The following RIF1 variants were observed in gnomAD, a reference collection of about 807,000 sequenced individuals.
The protein encoded by RIF1 is telomere-associated protein RIF1.
Under a neutral mutation model 247.1 loss-of-function variants are expected in RIF1, and 45 were observed. The observed-to-expected ratio is 0.18, with a 90% CI of 0.14 to 0.23. The LOEUF is 0.23. RIF1 is among the 10% of genes least tolerant of loss of function. The pLI, the probability that RIF1 is intolerant of heterozygous loss-of-function variation, is 1.00. For synonymous variants in RIF1, 1,087 were observed against 978.8 expected (o/e 1.11, Z -2.06); for missense variants, 2,967 against 2,862.5 (o/e 1.04, Z -0.83).
At chr2:151,495,985 CAAAG>C (rs1334238824) in intron 10 of RIF1, among the ~76,000 whole-genome samples, 14 of 152,118 alleles carry the variant, frequency 9.2e-5, no homozygotes, top group Non-Finnish European at 1.9e-4. Flanking sequence ...ATATCTAAAA[CAAAG>C]AGACCTTGGG....
chr2:151,484,704 A>T (rs570414306), downstream of RIF1, among the ~76,000 whole-genome samples: 1 of 152,346 alleles, frequency 6.6e-6, no homozygotes, highest in South Asian at 2.1e-4. Flanking sequence ...ATTTTTATCC[A>T]GTTTAAGGCA....
At position 151,465,834 on chromosome 2, in the gene RIF1, T is replaced by C. The variant is rs779625960; in HGVS notation, c.6314T>C (p.Met2105Thr). 268 of 1,613,006 alleles carry C rather than the reference T, an allele frequency of 1.7e-4. No individual in the cohort carries two copies. The highest frequency in any genetic ancestry group is 2.2e-4 in the Non-Finnish European group (259 of 1,179,154). Residue 2105 changes from methionine (M) to threonine (T), a missense_variant, in exon 30 of 36, where the codon ATG becomes ACG. Physicochemically the swap from Met to Thr is moderately conservative, Grantham distance 81. Around this residue, in one of 7 missense-constraint regions of RIF1, gnomAD observed 2,028 missense variants for 1,825.6 expected, o/e 1.11. Transcript: ENST00000444746. Reference protein sequence around the residue: ...EEKLDNNQMVMESDILQEDHH... With the variant: ...EEKLDNNQMVTESDILQEDHH... ...AAATTAGATAACAATCAAATGGTAA[T>C]GGAAAGTGATATTTTACAGGAAGAT...
rs1284162261 is a variant in RIF1 at position 151,433,146 on chromosome 2, A to G, written c.995A>G (p.Glu332Gly). The G allele has an allele frequency of 3.7e-6, 6 of 1,612,946 alleles. No individual in the cohort carries two copies. The highest frequency in any genetic ancestry group is 5.1e-6 in the Non-Finnish European group (6 of 1,179,060). Reference sequence around the variant, plus strand: ...TTGAGTTCCATCCATGTGAGAACAGAAACTCTAGCATTAACAAAACTAGAA... The same window carrying G: ...TTGAGTTCCATCCATGTGAGAACAGGAACTCTAGCATTAACAAAACTAGAA... ...QPLSSIHVRT[E>G]TLALTKLEVW... The change falls in exon 10 of 36, where the codon GAA becomes GGA. Residue 332 changes from glutamate (E) to glycine (G), a missense_variant. Around this residue, in one of 7 missense-constraint regions of RIF1, gnomAD observed 71 missense variants for 132.9 expected, o/e 0.53. Coordinates refer to ENST00000444746, the MANE Select transcript of RIF1 (RefSeq NM_018151.5).
At position 151,465,302 on chromosome 2, in the gene RIF1, C is replaced by T; in HGVS notation, c.5782C>T (p.His1928Tyr). 6.2e-7 allele frequency: 1 copy of T among 1,612,716 alleles called. No homozygotes were observed. Residue 1928 changes from histidine to tyrosine, a missense_variant, in exon 30 of 36, where the codon CAT becomes TAT. By Grantham distance (83) the His-to-Tyr change is moderately conservative (BLOSUM62 2). This residue lies in a region of RIF1 where 2,028 missense variants were observed against 1,825.6 expected (regional missense o/e 1.11). Transcript: ENST00000444746. The part of the protein sequence containing the change: ...ELNVGNEASF[H>Y]GQERTKTGIS... ...GAATGTAGGAAATGAAGCTAGCTTT[C>T]ATGGACAAGAGAGAACCAAAACTGG...
At chr2:151,513,295 C>G in the RIF1 span, among the ~76,000 whole-genome samples, 3 of 152,124 alleles carry the variant, frequency 2.0e-5, no homozygotes, top group Admixed American at 6.5e-5. Context: ...GAAATAAGGC[C>G]AAGATGTCGA....
chr2:151,470,414 C>A (rs1261161730), intron 34 of RIF1, among the ~76,000 whole-genome samples: 2 of 152,114 alleles, frequency 1.3e-5, no homozygotes, highest in Non-Finnish European at 2.9e-5. Context: ...ATCTGAATTG[C>A]TTAGGACCAG....
At chr2:151,518,988 T>A in the RIF1 span, 4 of 1,613,344 alleles carry the variant, frequency 2.5e-6, no homozygotes, top group South Asian at 2.2e-5. Flanking sequence ...TGGCTTGTAT[T>A]CAGGACATGA....
Position 151,414,837 on chromosome 2 carries a change from T to G in RIF1, c.198T>G (p.Ser66Arg). Residue 66 changes from serine (S) to arginine (R), a missense_variant, in exon 4 of 36, where the codon AGT becomes AGG. By Grantham distance (110) the Ser-to-Arg change is moderately radical (BLOSUM62 -1). Around this residue, in one of 7 missense-constraint regions of RIF1, gnomAD observed 269 missense variants for 288.6 expected, o/e 0.93. Coordinates refer to ENST00000444746, the MANE Select transcript of RIF1 (RefSeq NM_018151.5). ...TGTTTTTGTAGACTCACATTTCCAG[T>G]CAAAACTCGGAGCTGAGTAGTGCTG... is the stretch of plus-strand genomic sequence containing the variant. ...LYKVLKTHIS[S>R]QNSELSSAAL... 6.2e-7 allele frequency: 1 copy of G among 1,609,168 alleles called. No individual in the cohort carries two copies. Among genetic ancestry groups the G allele is most frequent in the Non-Finnish European group, 8.5e-7 (1 of 1,178,068 alleles).
intron 13 of RIF1, among the ~76,000 whole-genome samples, chr2:151,506,699 A>T (rs1408610789): frequency 1.3e-5 from 2 of 152,190 alleles, no homozygotes; most frequent in African/African-American, 4.8e-5. Context: ...TTAAAAATAA[A>T]AGTTACGTTG....
At position 151,478,180 on chromosome 2, in the gene RIF1, T is replaced by C. The variant is rs984723296; in HGVS notation, c.*3109T>C. 6.6e-6 allele frequency: 1 copy of C among 152,148 alleles called. No individual in the cohort carries two copies. Among genetic ancestry groups the C allele is most frequent in the Non-Finnish European group, 1.5e-5 (1 of 68,024 alleles). 9.4% of individuals were successfully genotyped at this position (152,148 alleles called of 1,614,324 possible). A position where few individuals can be genotyped will look rare whatever the true frequency, so the allele number is the denominator to read the frequency against. ...CCAAATAGTTAAAGGATGAATCAGG[T>C]TAAATAATGCTGTTGGATAATACAG... On this transcript the variant is annotated 3_prime_UTR_variant, in exon 36 of 36. Coordinates refer to ENST00000444746, the MANE Select transcript of RIF1 (RefSeq NM_018151.5).
intron 34 of RIF1, among the ~76,000 whole-genome samples, chr2:151,473,307 T>TG (rs1412909142): frequency 3.3e-5 from 5 of 150,624 alleles, no homozygotes; most frequent in Non-Finnish European, 7.4e-5. Context: ...TTTTTTTTTT[T>TG]TTTTTTTAAA....
At chr2:151,417,311 C>G (rs74820118) in intron 6 of RIF1, among the ~76,000 whole-genome samples, 3,737 of 152,294 alleles carry the variant, frequency 0.025, 57 homozygotes, top group African/African-American at 0.039. Flanking sequence ...AACGCATAAA[C>G]TCTTTTAAGT....
chr2:151,526,412 G>C, the RIF1 span: 1 of 656,738 alleles, frequency 1.5e-6, no homozygotes, highest in East Asian at 2.7e-5. Context: ...ATATTCAAAA[G>C]GGTTTTTTCC....
chr2:151,462,826 A>G (rs751771378), intron 29 of RIF1, 58 bp from the exon 30 acceptor site: 27 of 1,320,702 alleles, frequency 2.0e-5, no homozygotes, highest in Non-Finnish European at 2.8e-5. Flanking sequence ...CAGAAAGTCA[A>G]ACTCGTTTGC....
intron 15 of RIF1, among the ~76,000 whole-genome samples, chr2:151,441,231 A>G (rs1486172926): frequency 3.9e-5 from 6 of 152,198 alleles, no homozygotes; most frequent in Admixed American, 1.3e-4. Context: ...AAAAGAAAAA[A>G]AAGACAGTAT....
At position 151,481,739 on chromosome 2, in the gene RIF1, G is replaced by A. The variant is rs890852594; in HGVS notation, c.*6668G>A. On this transcript the variant is annotated 3_prime_UTR_variant, in exon 36 of 36. Transcript: ENST00000444746. The stretch of plus-strand genomic sequence containing the variant: ...TGATTGTGTAATGCTTTATACTAGG[G>A]GTCTCAAACCCCTGGGTGGCATTAG... 6.6e-5 allele frequency: 10 copies of A among 152,164 alleles called. No individual in the cohort carries two copies. The highest frequency in any genetic ancestry group is 4.6e-4 in the Admixed American group (7 of 15,276). 9.4% of individuals were successfully genotyped at this position (152,164 alleles called of 1,614,324 possible).
chr2:151,433,133 C>T lies in RIF1; in HGVS notation c.982C>T (p.His328Tyr). 1 of 1,612,894 alleles carries T rather than the reference C, an allele frequency of 6.2e-7. No individual in the cohort carries two copies. The highest frequency in any genetic ancestry group is 8.5e-7 in the Non-Finnish European group (1 of 1,179,008). The change falls in exon 10 of 36, where the codon CAT (histidine) becomes TAT (tyrosine). Residue 328 changes from histidine to tyrosine, a missense_variant. Around this residue, in one of 7 missense-constraint regions of RIF1, gnomAD observed 71 missense variants for 132.9 expected, o/e 0.53. Coordinates refer to ENST00000444746, the MANE Select transcript of RIF1 (RefSeq NM_018151.5). ...KLLMQPLSSI[H>Y]VRTETLALTK... ...GTTAATGCAGCCTTTGAGTTCCATC[C>T]ATGTGAGAACAGAAACTCTAGCATT... is the stretch of plus-strand genomic sequence containing the variant.
chr2:151,463,201 T>A lies in RIF1; in HGVS notation c.3681T>A (p.Phe1227Leu). ...RRQTFITLEK[F>L]DGSENRPFSP... is the part of the protein sequence containing the mutation. ...AAACCTTTATTACTTTGGAGAAGTT[T>A]GATGGTTCAGAAAATAGACCTTTTA... Residue 1227 changes from phenylalanine to leucine, a missense_variant, in exon 30 of 36, where the codon TTT becomes TTA. By Grantham distance (22) the Phe-to-Leu change is conservative. Around this residue, in one of 7 missense-constraint regions of RIF1, gnomAD observed 2,028 missense variants for 1,825.6 expected, o/e 1.11. Coordinates refer to ENST00000444746, the MANE Select transcript of RIF1 (RefSeq NM_018151.5). 1 of 1,614,146 alleles carries A rather than the reference T, an allele frequency of 6.2e-7. No individual in the cohort carries two copies. The highest frequency in any genetic ancestry group is 8.5e-7 in the Non-Finnish European group (1 of 1,180,024).
At chr2:151,473,157 T>A (rs1014322521) in intron 34 of RIF1, among the ~76,000 whole-genome samples, 1 of 152,154 alleles carries the variant, frequency 6.6e-6, no homozygotes, top group African/African-American at 2.4e-5. Context: ...ATTTCTCTTG[T>A]ATATATACCT....
Sources: allele counts gnomAD v4.1 joint callset (sites outside exome capture counted in the v4.1 genomes callset), GRCh38; gene constraint gnomAD v4.1.1; regional missense constraint gnomAD v4.1.1; transcripts MANE v1.5; gene names NCBI Gene and HGNC (gene_info 2026-07-23, HGNC 2026-07-21).